The following PTGIS variants were observed in gnomAD, a reference collection of about 807,000 sequenced individuals.
The protein encoded by PTGIS is prostacyclin synthase.
A neutral mutation model predicts 50.3 loss-of-function variants in PTGIS; 45 were observed. The observed-to-expected ratio is 0.90, with a 90% CI of 0.70 to 1.15. The LOEUF (loss-of-function observed/expected upper bound fraction) is 1.15. PTGIS is among the 50% of genes most tolerant of loss of function. The pLI is 0.00. For missense variants in PTGIS, 668 were observed against 661.3 expected (o/e 1.01, Z -0.11); for synonymous variants, 260 against 267.7 (o/e 0.97, Z 0.28).
intron 5 of PTGIS, among the ~76,000 whole-genome samples, chr20:49,533,003 G>A (rs1424256351): frequency 3.9e-5 from 6 of 152,188 alleles, no homozygotes; most frequent in Non-Finnish European, 7.4e-5. Flanking sequence ...CCAGGCCCAC[G>A]GTGATTGGCA....
intron 9 of PTGIS, among the ~76,000 whole-genome samples, chr20:49,508,899 T>G (rs1568666759): frequency 6.6e-6 from 1 of 152,200 alleles, no homozygotes; most frequent in Non-Finnish European, 1.5e-5. Flanking sequence ...ATCTTACCAA[T>G]GCCCATGTTC....
At chr20:49,508,968 C>T (rs1981236224) in intron 9 of PTGIS, among the ~76,000 whole-genome samples, 1 of 152,214 alleles carries the variant, frequency 6.6e-6, no homozygotes, top group African/African-American at 2.4e-5. Flanking sequence ...TACCCCAACC[C>T]AGGCGCCCGA....
chr20:49,539,763 C>T (rs987808002), intron 4 of PTGIS, 42 bp from the exon 5 acceptor site: 1 of 1,593,198 alleles, frequency 6.3e-7, no homozygotes, highest in Admixed American at 1.7e-5. Flanking sequence ...TCCTGGGACA[C>T]TCATGTGTGG....
At chr20:49,533,777 T>A (rs1409494678) in intron 5 of PTGIS, among the ~76,000 whole-genome samples, 2 of 152,046 alleles carry the variant, frequency 1.3e-5, no homozygotes, top group African/African-American at 4.8e-5. Context: ...GCCAATGTGA[T>A]GAAACCCCAG....
In PTGIS at chr20:49,505,987, T is replaced by A. The variant is rs1044062942; in HGVS notation, c.*1933A>T. 2 of 152,670 alleles carry A rather than the reference T, an allele frequency of 1.3e-5. No homozygotes were observed. Among genetic ancestry groups the A allele is most frequent in the African/African-American group, 4.8e-5 (2 of 41,448 alleles). 9.5% of individuals were successfully genotyped at this position (152,670 alleles called of 1,614,324 possible). ...AAAGCTAGAGGGACCTCATTATGTGTCTTACAAGATGTACCCAAGTTTAGG... is the reference window on the plus strand; with the variant it reads ...AAAGCTAGAGGGACCTCATTATGTGACTTACAAGATGTACCCAAGTTTAGG... On this transcript the variant is annotated 3_prime_UTR_variant, in exon 10 of 10. Transcript: ENST00000244043.
chr20:49,511,888 G>A (rs547603043), intron 8 of PTGIS, among the ~76,000 whole-genome samples: 1 of 151,806 alleles, frequency 6.6e-6, no homozygotes, highest in Non-Finnish European at 1.5e-5. Flanking sequence ...TGGATGGATG[G>A]GTAGATGGGT....
At chr20:49,537,959 A>G (rs1170769001) in intron 5 of PTGIS, among the ~76,000 whole-genome samples, 4 of 152,068 alleles carry the variant, frequency 2.6e-5, no homozygotes, top group Admixed American at 1.3e-4. Flanking sequence ...GGCAATAAAA[A>G]GAACAAGCTG....
At position 49,527,414 on chromosome 20, in the gene PTGIS, G is replaced by A. The variant is rs145593825; in HGVS notation, c.674-3175C>T. On this transcript the variant is annotated intron_variant, in intron 5 of 9. Coordinates refer to ENST00000244043, the MANE Select transcript of PTGIS (RefSeq NM_000961.4). ...GGAGATTGTAGTGAGCTGAGATGGCGACACTGCACTCCAGCCTGGGCGACA... is the reference window on the plus strand; with the variant it reads ...GGAGATTGTAGTGAGCTGAGATGGCAACACTGCACTCCAGCCTGGGCGACA... 2.6e-5 allele frequency among the ~76,000 whole-genome samples: 4 copies of A among 152,260 alleles called. No homozygotes were observed. The East Asian group carries it at 7.7e-4, about 29-fold the overall frequency.
chr20:49,567,357 T>A (rs1982925866), intron 1 of PTGIS, among the ~76,000 whole-genome samples: 1 of 152,194 alleles, frequency 6.6e-6, no homozygotes, highest in Admixed American at 6.5e-5. Flanking sequence ...CTGGCTCCGT[T>A]CTGTCCAGGC....
intron 4 of PTGIS, among the ~76,000 whole-genome samples, chr20:49,543,126 TA>T (rs1353754907): frequency 2.6e-5 from 4 of 152,122 alleles, no homozygotes; most frequent in Admixed American, 6.5e-5. Flanking sequence ...AGGGCATCAC[TA>T]AAATCAGGGA....
intron 5 of PTGIS, among the ~76,000 whole-genome samples, chr20:49,539,256 G>T (rs112219753): frequency 0.023 from 3,573 of 152,070 alleles, 56 homozygotes; most frequent in Non-Finnish European, 0.035. Context: ...TAATCAGCAC[G>T]AACTACTTGT....
intron 4 of PTGIS, among the ~76,000 whole-genome samples, chr20:49,541,808 C>T (rs1333840731): frequency 1.3e-5 from 2 of 152,122 alleles, no homozygotes; most frequent in African/African-American, 4.8e-5. Flanking sequence ...CAAGGTTTTG[C>T]TCTGTGGAAG....
At position 49,504,108 on chromosome 20, in the gene PTGIS, G is replaced by C. The variant is rs888225488; in HGVS notation, c.*3812C>G. The C allele has an allele frequency of 6.6e-6, 1 of 152,242 alleles. No individual in the cohort carries two copies. The highest frequency in any genetic ancestry group is 2.4e-5 in the African/African-American group (1 of 41,462). 9.4% of individuals were successfully genotyped at this position (152,242 alleles called of 1,614,324 possible). A position where few individuals can be genotyped will look rare whatever the true frequency, so the allele number is the denominator to read the frequency against. On this transcript the variant is annotated 3_prime_UTR_variant, in exon 10 of 10. Transcript: ENST00000244043. ...GTAGGGCATTGCCAGCTCCCTGTGA[G>C]TGGGGGCCACTGGTGGGAGGAGATG...
chr20:49,557,725 T>C (rs951204501), intron 1 of PTGIS, among the ~76,000 whole-genome samples: 2 of 152,208 alleles, frequency 1.3e-5, no homozygotes, highest in Admixed American at 6.5e-5. Flanking sequence ...CCTAAGCAGA[T>C]AGCTACAGAT....
At chr20:49,517,026 C>T (rs113914207) in intron 6 of PTGIS, among the ~76,000 whole-genome samples, 265 of 152,312 alleles carry the variant, frequency 1.7e-3, no homozygotes, top group African/African-American at 5.5e-3. Flanking sequence ...CCTGGGTGGA[C>T]GCAAGGGTCC....
chr20:49,523,334 G>A (rs1400559925), intron 6 of PTGIS, among the ~76,000 whole-genome samples: 1 of 152,104 alleles, frequency 6.6e-6, no homozygotes, highest in Non-Finnish European at 1.5e-5. Context: ...GTGGGGAAAA[G>A]AGAGCATAAG....
At position 49,504,244 on chromosome 20, in the gene PTGIS, T is replaced by G. The variant is rs763743584; in HGVS notation, c.*3676A>C. 5.9e-5 allele frequency: 9 copies of G among 152,254 alleles called. No homozygotes were observed. The highest frequency in any genetic ancestry group is 1.3e-4 in the Admixed American group (2 of 15,290). The allele number at this position is 152,254 out of a possible 1,614,324, so 9.4% of individuals were successfully genotyped here. On this transcript the variant is annotated 3_prime_UTR_variant, in exon 10 of 10. Coordinates refer to ENST00000244043, the MANE Select transcript of PTGIS (RefSeq NM_000961.4). ...ATTCTAACACTTGCTTATCTCGTTT[T>G]GTAACAGAGAAGAGAGAGCTCTCAG...
intron 5 of PTGIS, among the ~76,000 whole-genome samples, chr20:49,530,086 G>T (rs537489968): frequency 3.3e-5 from 5 of 151,628 alleles, no homozygotes; most frequent in African/African-American, 1.2e-4. Context: ...TCTGGGGGGC[G>T]GAGGTTGTGG....
Position 49,507,618 on chromosome 20 carries a change from T to C in PTGIS, c.*302A>G, listed in dbSNP as rs1981188779. ...AGCAGTGAAGACTCCTAGTTCTGCC[T>C]TATCTGAATAGCATTTGTGGATATC... On this transcript the variant is annotated 3_prime_UTR_variant, in exon 10 of 10. Coordinates refer to ENST00000244043, the MANE Select transcript of PTGIS (RefSeq NM_000961.4). 2.2e-6 allele frequency: 1 copy of C among 453,364 alleles called. No homozygotes were observed. Among genetic ancestry groups the C allele is most frequent in the African/African-American group, 2.0e-5 (1 of 50,282 alleles). The allele number at this position is 453,364 out of a possible 1,614,324, so 28.1% of individuals were successfully genotyped here. A position where few individuals can be genotyped will look rare whatever the true frequency, so the allele number is the denominator to read the frequency against.
Sources: allele counts gnomAD v4.1 joint callset (sites outside exome capture counted in the v4.1 genomes callset), GRCh38; gene constraint gnomAD v4.1.1; transcripts MANE v1.5; gene names NCBI Gene and HGNC (gene_info 2026-07-23, HGNC 2026-07-21).